UNC13C: variants seen among roughly 807,000 people sequenced by gnomAD.
UNC13C encodes unc-13 homolog C.
UNC13C carries 174 observed loss-of-function variants against 245.4 expected under a neutral mutation model. That is an observed-to-expected ratio of 0.71 (90% CI 0.63 to 0.80). The LOEUF (loss-of-function observed/expected upper bound fraction) is 0.80. UNC13C is among the 30% of genes least tolerant of loss of function. The probability of loss-of-function intolerance (pLI) is 0.00; values close to 1 mark genes in which losing one functional copy is unlikely to be tolerated. For missense variants in UNC13C, 2,829 were observed against 2,602.9 expected (o/e 1.09, Z -1.89); for synonymous variants, 992 against 895.1 (o/e 1.11, Z -1.93).
intron 7 of UNC13C, 127 bp from the exon 8 acceptor site, chr15:54,250,098 T>G: frequency 1.2e-6 from 1 of 827,362 alleles, no homozygotes; most frequent in East Asian, 2.6e-5. Context: ...ATGACTTGAA[T>G]CAGTGATCCA....
intron 2 of UNC13C, among the ~76,000 whole-genome samples, chr15:54,071,488 C>A (rs937696612): frequency 6.6e-6 from 1 of 152,042 alleles, no homozygotes; most frequent in Non-Finnish European, 1.5e-5. Context: ...TAAATGTTAA[C>A]TTTCAAGCAT....
chr15:53,861,083 G>C, the UNC13C span, among the ~76,000 whole-genome samples: 1 of 152,104 alleles, frequency 6.6e-6, no homozygotes, highest in Non-Finnish European at 1.5e-5. Context: ...ACATCATTCT[G>C]AATCTTAATT....
the UNC13C span, among the ~76,000 whole-genome samples, chr15:53,945,983 C>T: frequency 2.6e-5 from 4 of 152,034 alleles, no homozygotes; most frequent in Middle Eastern, 3.4e-3. Context: ...AGCTATGTTC[C>T]TATGTTTTTT....
intron 19 of UNC13C, among the ~76,000 whole-genome samples, chr15:54,477,299 T>C (rs1041651195): frequency 2.0e-5 from 2 of 100,354 alleles, no homozygotes; most frequent in Non-Finnish European, 4.1e-5. Flanking sequence ...ATACCCTTTA[T>C]TTCCTTCTCC....
At chr15:54,195,841 T>C (rs950832586) in intron 4 of UNC13C, among the ~76,000 whole-genome samples, 1 of 152,154 alleles carries the variant, frequency 6.6e-6, no homozygotes, top group African/African-American at 2.4e-5. Context: ...TTGTTCAAAT[T>C]ACCTGTTACT....
intron 12 of UNC13C, 73 bp from the exon 13 acceptor site, chr15:54,300,137 C>T (rs2037537472): frequency 7.1e-7 from 1 of 1,415,442 alleles, no homozygotes; most frequent in African/African-American, 1.4e-5. Context: ...GAGCATTTTA[C>T]TGGAAGTTTT....
chr15:54,161,788 TAAG>T (rs977332753), intron 4 of UNC13C, among the ~76,000 whole-genome samples: 4 of 151,868 alleles, frequency 2.6e-5, no homozygotes, highest in Non-Finnish European at 4.4e-5. Context: ...CTGTCTCTCA[TAAG>T]AATACAAAAA....
chr15:54,519,470 G>C (rs893685401), intron 24 of UNC13C, among the ~76,000 whole-genome samples: 10 of 152,046 alleles, frequency 6.6e-5, no homozygotes, highest in Non-Finnish European at 2.9e-5. Context: ...TTGATTTGAA[G>C]CACAGTGACA....
At chr15:54,144,661 A>G (rs996654072) in intron 4 of UNC13C, among the ~76,000 whole-genome samples, 1 of 152,068 alleles carries the variant, frequency 6.6e-6, no homozygotes, top group Non-Finnish European at 1.5e-5. Context: ...CTCTTTTTCC[A>G]TTTAACAACA....
At chr15:54,612,760 C>T (rs8042622) in intron 30 of UNC13C, among the ~76,000 whole-genome samples, 20,913 of 151,892 alleles carry the variant, frequency 0.14, 1,475 homozygotes, top group Middle Eastern at 0.23. Context: ...AGCTACCCTC[C>T]AAATATGAAT....
chr15:54,612,999 G>C (rs768844421), intron 30 of UNC13C, among the ~76,000 whole-genome samples: 3 of 151,690 alleles, frequency 2.0e-5, no homozygotes, highest in Non-Finnish European at 4.4e-5. Context: ...ATTATTTAGA[G>C]GTTATATTCA....
At chr15:53,866,289 T>C in the UNC13C span, among the ~76,000 whole-genome samples, 1 of 152,150 alleles carries the variant, frequency 6.6e-6, no homozygotes, top group South Asian at 2.1e-4. Context: ...AGAAGGCAGA[T>C]GAATTGCAAT....
intron 21 of UNC13C, among the ~76,000 whole-genome samples, chr15:54,500,601 A>G (rs180746639): frequency 6.6e-6 from 1 of 152,260 alleles, no homozygotes; most frequent in African/African-American, 2.4e-5. Context: ...CAAAAGAACC[A>G]GTACCTCAAT....
intron 2 of UNC13C, chr15:54,048,956 A>T (rs143459515): frequency 5.6e-5 from 18 of 324,200 alleles, no homozygotes; most frequent in Middle Eastern, 4.6e-4. Flanking sequence ...TGCAAAGGAC[A>T]TTGCATGTAT....
chr15:54,496,595 GTATATATA>G (rs534838089), intron 20 of UNC13C, among the ~76,000 whole-genome samples: 1 of 151,138 alleles, frequency 6.6e-6, no homozygotes, highest in South Asian at 2.1e-4. Context: ...GTGTGTGTGT[GTATATATA>G]TATATATGTA....
At chr15:53,870,225 A>G in the UNC13C span, among the ~76,000 whole-genome samples, 5 of 152,180 alleles carry the variant, frequency 3.3e-5, no homozygotes, top group Non-Finnish European at 5.9e-5. Flanking sequence ...TTATGTTTCA[A>G]GTTTACCAAG....
intron 2 of UNC13C, among the ~76,000 whole-genome samples, chr15:54,052,625 T>C (rs1344650815): frequency 2.0e-5 from 3 of 152,258 alleles, no homozygotes; most frequent in African/African-American, 4.8e-5. Flanking sequence ...AAGTGTTTTA[T>C]CCACGAAGAA....
At chr15:54,175,643 G>A (rs979067554) in intron 4 of UNC13C, among the ~76,000 whole-genome samples, 5 of 151,676 alleles carry the variant, frequency 3.3e-5, no homozygotes, top group African/African-American at 9.7e-5. Context: ...CTCCCGAGTA[G>A]CTGGGACTAC....
At chr15:54,182,722 A>G (rs1328237922) in intron 4 of UNC13C, among the ~76,000 whole-genome samples, 4 of 152,076 alleles carry the variant, frequency 2.6e-5, no homozygotes, top group African/African-American at 9.7e-5. Flanking sequence ...ATTCATCAGC[A>G]TATCTTTACT....
Sources: gnomAD v4.1 joint callset for allele counts (sites outside exome capture counted in the v4.1 genomes callset) on GRCh38, gnomAD v4.1.1 for gene constraint, MANE v1.5 for transcripts, NCBI Gene and HGNC (gene_info 2026-07-23, HGNC 2026-07-21) for gene names.